The following CISTR variants were observed in gnomAD, a reference collection of about 807,000 sequenced individuals.
CISTR encodes chondrogenesis-associated transcript, also known as chondrogenic regulator lncRNA.
rs376080217 is a variant in CISTR, at chr12:53,755,463, C to T, written n.414+1351G>A. On this transcript the variant is annotated intron_variant and non_coding_transcript_variant, in intron 1 of 2. Coordinates refer to ENST00000669269, the Ensembl canonical transcript of CISTR. Reference sequence around the variant, plus strand: ...ACATTTCTTTTGCTGACAGTAAGCCCACCTCTTTAGTGGAGGTATTATCTA... The same window carrying T: ...ACATTTCTTTTGCTGACAGTAAGCCTACCTCTTTAGTGGAGGTATTATCTA... Among the ~76,000 whole-genome samples, 11 of 152,218 alleles carry T rather than the reference C, an allele frequency of 7.2e-5. No individual in the cohort carries two copies. The South Asian group carries it at 1.2e-3, about 17-fold the overall frequency.
At chr12:53,748,535 A>G (rs1937807739) in intron 2 of CISTR, among the ~76,000 whole-genome samples, 1 of 152,210 alleles carries the variant, frequency 6.6e-6, no homozygotes, top group Admixed American at 6.5e-5. Flanking sequence ...ACCTAGAGAC[A>G]GGACAGAGCC....
chr12:53,754,117 A>T (rs1454335961), intron 1 of CISTR, among the ~76,000 whole-genome samples: 1 of 152,114 alleles, frequency 6.6e-6, no homozygotes, highest in Non-Finnish European at 1.5e-5. Context: ...GGGGATGGGG[A>T]TGGATAATGG....
intron 1 of CISTR, among the ~76,000 whole-genome samples, chr12:53,755,644 T>C (rs1041052421): frequency 6.6e-6 from 1 of 152,164 alleles, no homozygotes; most frequent in Non-Finnish European, 1.5e-5. Flanking sequence ...CTCTTAAGTG[T>C]CCACAGGGGT....
chr12:53,755,074 C>G (rs958108118), intron 1 of CISTR, among the ~76,000 whole-genome samples: 2 of 152,194 alleles, frequency 1.3e-5, no homozygotes, highest in African/African-American at 4.8e-5. Flanking sequence ...AGAGAAGCCA[C>G]CAAGCTGCAT....
At chr12:53,753,073 C>G (rs1565659490) in intron 1 of CISTR, among the ~76,000 whole-genome samples, 1 of 123,452 alleles carries the variant, frequency 8.1e-6, no homozygotes, top group African/African-American at 2.8e-5. Context: ...CACACACACA[C>G]ACACACACAC....
intron 1 of CISTR, among the ~76,000 whole-genome samples, chr12:53,755,311 GTGTGT>G (rs1565660000): frequency 1.7e-5 from 2 of 116,556 alleles, no homozygotes; most frequent in African/African-American, 7.4e-5. Flanking sequence ...TGTTTGGGGT[GTGTGT>G]GTGTGTGTGT....
At chr12:53,754,793 C>T (rs1937897214) in intron 1 of CISTR, among the ~76,000 whole-genome samples, 1 of 152,188 alleles carries the variant, frequency 6.6e-6, no homozygotes, top group Non-Finnish European at 1.5e-5. Context: ...GATCTTGCTT[C>T]ATACTTTCAA....
chr12:53,755,031 A>G (rs1236137482), intron 1 of CISTR, among the ~76,000 whole-genome samples: 1 of 152,166 alleles, frequency 6.6e-6, no homozygotes, highest in Non-Finnish European at 1.5e-5. Context: ...AGGTGCAGAG[A>G]GGTTAAGATA....
Position 53,751,878 on chromosome 12 carries a change from C to A in CISTR, n.415-913G>T, listed in dbSNP as rs998697084. ...CTCTCTCCCGCCTCTTTTCCTCCCCCGCTCCCTCTCTCCTTGCGGCTGACT... is the reference window on the plus strand; with the variant it reads ...CTCTCTCCCGCCTCTTTTCCTCCCCAGCTCCCTCTCTCCTTGCGGCTGACT... On this transcript the variant is annotated intron_variant and non_coding_transcript_variant, in intron 1 of 2. Coordinates refer to ENST00000669269, the Ensembl canonical transcript of CISTR. This position sits in a 1 kb window ranked among gnomAD's most constrained non-coding sequence, Gnocchi z 4.6. The A allele has an allele frequency of 1.3e-5, 2 of 153,000 alleles. No homozygotes were observed. The highest frequency in any genetic ancestry group is 2.9e-5 in the Non-Finnish European group (2 of 68,380). The allele number at this position is 153,000 out of a possible 1,614,324, so 9.5% of individuals were successfully genotyped here.
rs910508453 is a variant in CISTR, at chr12:53,756,330, G to A, written n.414+484C>T. 3.3e-5 allele frequency among the ~76,000 whole-genome samples: 5 copies of A among 152,190 alleles called. No individual in the cohort carries two copies. The highest frequency in any genetic ancestry group is 7.4e-5 in the Non-Finnish European group (5 of 68,024). On this transcript the variant is annotated intron_variant and non_coding_transcript_variant, in intron 1 of 2. Transcript: ENST00000669269. This position sits in a 1 kb window ranked among gnomAD's most constrained non-coding sequence, Gnocchi z 4.0. ...TCTTACCTCCCCAAAGTAAGAGAAC[G>A]GAGTAGAGAGGAGTGGGAAAAGATC...
chr12:53,747,713 C>A (rs1937799011), intron 2 of CISTR, among the ~76,000 whole-genome samples: 1 of 152,022 alleles, frequency 6.6e-6, no homozygotes, highest in Non-Finnish European at 1.5e-5. Context: ...AGGAGCTGAC[C>A]ATTTTACTGG....
chr12:53,746,787 A>G (rs773396918), exon 3 of CISTR, among the ~76,000 whole-genome samples: 10 of 152,240 alleles, frequency 6.6e-5, no homozygotes, highest in Non-Finnish European at 1.5e-4. Flanking sequence ...GTGGCCGCTG[A>G]GCCCTTCGCA....
At position 53,751,278 on chromosome 12, in the gene CISTR, G is replaced by A. The variant is rs941672133; in HGVS notation, n.415-313C>T. On this transcript the variant is annotated intron_variant and non_coding_transcript_variant, in intron 1 of 2. Coordinates refer to ENST00000669269, the Ensembl canonical transcript of CISTR. The surrounding 1 kb of genome is among the most constrained non-coding windows in gnomAD (Gnocchi z 4.6). ...CTCCCAACGCCTGCAGGGGTTGGGG[G>A]CGCTGGGGCTCGGGGCGCTCACTCG... is the stretch of plus-strand genomic sequence containing the variant. 1.3e-4 allele frequency among the ~76,000 whole-genome samples: 20 copies of A among 152,116 alleles called. No individual in the cohort carries two copies. The highest frequency in any genetic ancestry group is 4.8e-4 in the African/African-American group (20 of 41,412).
At chr12:53,752,966 A>G (rs1937872509) in intron 1 of CISTR, among the ~76,000 whole-genome samples, 1 of 151,712 alleles carries the variant, frequency 6.6e-6, no homozygotes, top group African/African-American at 2.4e-5. Context: ...TGGATCTAGG[A>G]GTCCAGCTCC....
chr12:53,755,339 G>GTA (rs1937903236), intron 1 of CISTR, among the ~76,000 whole-genome samples: 1 of 150,880 alleles, frequency 6.6e-6, no homozygotes, highest in Non-Finnish European at 1.5e-5. Flanking sequence ...GTGTGTGTGT[G>GTA]TGTGGTAGGA....
At chr12:53,747,842 G>A (rs1002016819) in intron 2 of CISTR, among the ~76,000 whole-genome samples, 7 of 152,124 alleles carry the variant, frequency 4.6e-5, no homozygotes, top group African/African-American at 7.2e-5. Flanking sequence ...TGCACTTGTT[G>A]CTCCATGTGT....
At chr12:53,748,085 G>T (rs1238849679) in intron 2 of CISTR, among the ~76,000 whole-genome samples, 1 of 152,204 alleles carries the variant, frequency 6.6e-6, no homozygotes, top group Non-Finnish European at 1.5e-5. Flanking sequence ...TGGGTTGGGG[G>T]CAGTGGTAAG....
intron 2 of CISTR, among the ~76,000 whole-genome samples, chr12:53,749,573 ATTTTC>A (rs1391127947): frequency 6.6e-6 from 1 of 151,552 alleles, no homozygotes; most frequent in African/African-American, 2.4e-5. Context: ...TGACCCTGTC[ATTTTC>A]TTTAAGTACA....
At chr12:53,752,093 C>G (rs1377252969) in intron 1 of CISTR, among the ~76,000 whole-genome samples, 1 of 152,142 alleles carries the variant, frequency 6.6e-6, no homozygotes, top group East Asian at 1.9e-4. Context: ...TCGCTGCCCG[C>G]TGGCGCTGCC....
Sources: allele counts gnomAD v4.1 joint callset (sites outside exome capture counted in the v4.1 genomes callset), GRCh38; gene constraint gnomAD v4.1.1; non-coding constraint Gnocchi (gnomAD v3.1); transcripts MANE v1.5; gene names NCBI Gene and HGNC (gene_info 2026-07-23, HGNC 2026-07-21).